The following FAM178B variants were observed in gnomAD, a reference collection of about 807,000 sequenced individuals.
The protein encoded by FAM178B is protein FAM178B.
A neutral mutation model predicts 91.7 loss-of-function variants in FAM178B; 82 were observed. The ratio of observed to expected loss-of-function variants is 0.89; its 90% CI spans 0.75 to 1.07. The LOEUF (loss-of-function observed/expected upper bound fraction) is 1.07. FAM178B is among the 50% of genes least tolerant of loss of function. The pLI is 0.00. For synonymous variants in FAM178B, 368 were observed against 359.4 expected, an observed-to-expected ratio of 1.02 and a Z score of -0.27; for missense variants, 769 against 846.7, an observed-to-expected ratio of 0.91 and a Z score of 1.14.
intron 5 of FAM178B, among the ~76,000 whole-genome samples, chr2:96,961,926 A>C (rs2082086518): frequency 6.6e-6 from 1 of 152,214 alleles, no homozygotes; most frequent in Non-Finnish European, 1.5e-5. Flanking sequence ...ACCACCACAC[A>C]AACGGTAAAA....
chr2:96,899,956 C>T (rs952030146), intron 13 of FAM178B, among the ~76,000 whole-genome samples: 35 of 151,330 alleles, frequency 2.3e-4, no homozygotes, highest in African/African-American at 7.5e-4. Flanking sequence ...AACTCCTGGG[C>T]CCAACGACCC....
intron 12 of FAM178B, among the ~76,000 whole-genome samples, 172 bp downstream of exon 12, chr2:96,920,990 CTTT>C (rs1290625678): frequency 6.6e-6 from 1 of 152,022 alleles, no homozygotes; most frequent in Non-Finnish European, 1.5e-5. Flanking sequence ...GAAAATTAAG[CTTT>C]TTTTCATTTG....
rs11457991 is a variant in FAM178B at position 96,889,976 on chromosome 2, T to TAA, written c.1776+3948_1776+3949dup. On this transcript the variant is annotated intron_variant, in intron 14 of 16. Transcript: ENST00000490605. ...CAACGTGACAAAACCCCATCTTTAT[T>TAA]AAAAAAAAAAAAAAATTGGCTGGGC... is the stretch of plus-strand genomic sequence containing the variant. Among the ~76,000 whole-genome samples the TAA allele has an allele frequency of 5.1e-3, 726 of 141,366 alleles. 2 individuals carry two copies. Among genetic ancestry groups the TAA allele is most frequent in the East Asian group, 0.012 (59 of 4,866 alleles). The allele number at this position is 141,366 out of a possible 152,430, so 92.7% of individuals were successfully genotyped here. A position where few individuals can be genotyped will look rare whatever the true frequency, so the allele number is the denominator to read the frequency against.
chr2:96,876,433 G>A, intron 16 of FAM178B, 125 bp from the exon 17 acceptor site: 4 of 1,214,156 alleles, frequency 3.3e-6, no homozygotes, highest in Non-Finnish European at 2.3e-6. Flanking sequence ...GGCCGAGTGA[G>A]CAGGATGCCT....
Position 96,957,375 on chromosome 2 carries a change from G to A in FAM178B, c.887+2913C>T, listed in dbSNP as rs182678997. Among the ~76,000 whole-genome samples, 22 of 152,306 alleles carry A rather than the reference G, an allele frequency of 1.4e-4. 1 individual carries two copies. The East Asian group carries it at 3.9e-3, about 27-fold the overall frequency. ...CGGCAGAGGTCCCAGGACTGAGACC[G>A]AGTCACACAGCGGGCATTCCCTCCA... is the stretch of plus-strand genomic sequence containing the variant. On this transcript the variant is annotated intron_variant, in intron 6 of 16. Coordinates refer to ENST00000490605, the MANE Select transcript of FAM178B (RefSeq NM_001122646.3).
intron 1 of FAM178B, among the ~76,000 whole-genome samples, chr2:96,983,583 G>T (rs1438018573): frequency 1.3e-5 from 2 of 152,122 alleles, no homozygotes; most frequent in East Asian, 1.9e-4. Flanking sequence ...GTGCCACCAT[G>T]CCCAGCTAAT....
rs1162828073 is a variant in FAM178B, at chr2:96,971,970, C to T, written c.495G>A (p.Arg165=). The part of the protein sequence containing the change: ...EQEHLDLDPK[R]GLALPEKLFW... ...ACAGCTTCTCTGGCAAGGCCAGGCC[C>T]CTCTTCGGGTCCAAGTCCAGGTGTT... The change falls in exon 3 of 17, where the codon AGG becomes AGA. Residue 165 remains arginine, a synonymous_variant. Transcript: ENST00000490605. 1 of 1,561,400 alleles carries T rather than the reference C, an allele frequency of 6.4e-7. No homozygotes were observed. Among genetic ancestry groups the T allele is most frequent in the East Asian group, 2.4e-5 (1 of 42,316 alleles).
chr2:96,949,361 G>A (rs1049467090), intron 7 of FAM178B, among the ~76,000 whole-genome samples: 3 of 152,166 alleles, frequency 2.0e-5, no homozygotes, highest in African/African-American at 7.2e-5. Context: ...GCCTTTGACT[G>A]GACAAGGGGA....
intron 12 of FAM178B, among the ~76,000 whole-genome samples, chr2:96,912,437 A>G (rs901233123): frequency 6.6e-6 from 1 of 152,000 alleles, no homozygotes; most frequent in African/African-American, 2.4e-5. Context: ...AGGCCCACCA[A>G]GACTCGAGGG....
At chr2:96,878,338 C>T (rs976133265) in intron 15 of FAM178B, 78 bp downstream of exon 15, 1 of 1,414,326 alleles carries the variant, frequency 7.1e-7, no homozygotes, top group Non-Finnish European at 9.9e-7. Flanking sequence ...TGGGCGCCAT[C>T]CCAGCCAACC....
intron 14 of FAM178B, among the ~76,000 whole-genome samples, chr2:96,881,242 C>T (rs2080374385): frequency 6.8e-6 from 1 of 147,818 alleles, no homozygotes; most frequent in South Asian, 2.1e-4. Flanking sequence ...TGCACTCCAG[C>T]CGTGGGCAAC....
intron 6 of FAM178B, among the ~76,000 whole-genome samples, chr2:96,959,883 C>T (rs1175044871): frequency 1.3e-5 from 2 of 152,328 alleles, no homozygotes; most frequent in South Asian, 4.1e-4. Flanking sequence ...CTGCATCACA[C>T]ACACACTGAA....
At chr2:96,977,342 A>C (rs1356230012) in intron 1 of FAM178B, among the ~76,000 whole-genome samples, 11 of 140,318 alleles carry the variant, frequency 7.8e-5, no homozygotes, top group African/African-American at 2.9e-4. Context: ...CCGAGATCAC[A>C]CCACTGCACT....
intron 8 of FAM178B, among the ~76,000 whole-genome samples, chr2:96,943,201 A>C (rs2153372718): frequency 6.6e-6 from 1 of 152,292 alleles, no homozygotes; most frequent in African/African-American, 2.4e-5. Context: ...TACAAAGAAA[A>C]CCCACAAAAT....
chr2:96,896,980 C>T (rs2080836715), intron 13 of FAM178B, among the ~76,000 whole-genome samples: 1 of 152,250 alleles, frequency 6.6e-6, no homozygotes, highest in African/African-American at 2.4e-5. Flanking sequence ...AATTCTCCTG[C>T]CTCAGTCTCC....
intron 8 of FAM178B, among the ~76,000 whole-genome samples, chr2:96,930,496 C>T (rs1296485980): frequency 6.6e-6 from 1 of 152,166 alleles, no homozygotes; most frequent in African/African-American, 2.4e-5. Context: ...CAGCATTGTC[C>T]GACTTAGCAG....
intron 8 of FAM178B, among the ~76,000 whole-genome samples, chr2:96,930,243 A>AAAAAAAAAAT (rs1559080293): frequency 2.2e-5 from 3 of 137,600 alleles, no homozygotes; most frequent in Admixed American, 7.4e-5. Flanking sequence ...AAAAAAAAAA[A>AAAAAAAAAAT]ATCTGACCAC....
intron 13 of FAM178B, chr2:96,897,904 C>A: frequency 1.0e-6 from 1 of 970,100 alleles, no homozygotes; most frequent in Non-Finnish European, 1.2e-6. Context: ...CTAACTGAGC[C>A]TCCACTTGCC....
intron 12 of FAM178B, among the ~76,000 whole-genome samples, chr2:96,904,788 G>A (rs535568687): frequency 6.6e-6 from 1 of 152,186 alleles, no homozygotes; most frequent in Admixed American, 6.5e-5. Flanking sequence ...TGAGGTGGGA[G>A]GACTGCCTGA....
Sources: allele counts gnomAD v4.1 joint callset (sites outside exome capture counted in the v4.1 genomes callset), GRCh38; gene constraint gnomAD v4.1.1; transcripts MANE v1.5; gene names NCBI Gene and HGNC (gene_info 2026-07-23, HGNC 2026-07-21).